The following DHRSX variants were observed in gnomAD, a reference collection of about 807,000 sequenced individuals.
DHRSX encodes polyprenol dehydrogenase.
Under a neutral mutation model 34.0 loss-of-function variants are expected in DHRSX, and 31 were observed. The ratio of observed to expected loss-of-function variants is 0.91; its 90% CI spans 0.69 to 1.23. The LOEUF (loss-of-function observed/expected upper bound fraction) is 1.23, where lower values mean the gene tolerates loss of function less well. Ranked by LOEUF, DHRSX falls within the 50% of genes most tolerant of loss-of-function variation. The pLI is 0.00. For synonymous variants in DHRSX, 201 were observed against 183.8 expected (o/e 1.09, Z -0.76); for missense variants, 414 against 428.1 (o/e 0.97, Z 0.29).
rs1202342518 is a variant in DHRSX at position 2,459,550 on chromosome X, G to GTGTA, written c.110-34247_110-34246insTACA. ...AGAGAGAGAGAATGTGTGTCTGTGTGTATATATATATATATATATATATAT... is the reference window on the plus strand; with the variant it reads ...AGAGAGAGAGAATGTGTGTCTGTGTGTGTATATATATATATATATATATATATAT... On this transcript the variant is annotated intron_variant, in intron 1 of 6. Coordinates refer to ENST00000334651, the MANE Select transcript of DHRSX (RefSeq NM_145177.3). 2.7e-4 allele frequency among the ~76,000 whole-genome samples: 37 copies of GTGTA among 137,802 alleles called. No individual in the cohort carries two copies. The East Asian group carries it at 4.5e-3, about 17-fold the overall frequency. 90.4% of individuals were successfully genotyped at this position (137,802 alleles called of 152,430 possible).
At chrX:2,269,185 A>G (rs901388892) in intron 4 of DHRSX, among the ~76,000 whole-genome samples, 2 of 152,206 alleles carry the variant, frequency 1.3e-5, no homozygotes, top group Non-Finnish European at 2.9e-5. Flanking sequence ...ACATATTTGT[A>G]TATGTATATC....
chrX:2,311,232 AAG>A (rs762305531), intron 3 of DHRSX, among the ~76,000 whole-genome samples: 4 of 151,820 alleles, frequency 2.6e-5, no homozygotes, highest in Admixed American at 1.3e-4. Flanking sequence ...GAGGGAGAGA[AAG>A]AGAGAGAGAC....
intron 3 of DHRSX, among the ~76,000 whole-genome samples, chrX:2,341,101 G>A (rs2042635090): frequency 6.6e-6 from 1 of 152,142 alleles, no homozygotes; most frequent in South Asian, 2.1e-4. Context: ...TAGGGTGCAC[G>A]GGTTTACTGG....
intron 1 of DHRSX, among the ~76,000 whole-genome samples, chrX:2,453,346 C>A (rs2044250884): frequency 6.7e-6 from 1 of 149,330 alleles, no homozygotes. Flanking sequence ...TAAGCCTGGG[C>A]AACAGAATGA....
intron 5 of DHRSX, among the ~76,000 whole-genome samples, chrX:2,257,530 G>A (rs1331945067): frequency 7.9e-5 from 12 of 152,186 alleles, no homozygotes; most frequent in Admixed American, 5.2e-4. Flanking sequence ...GGACCTGGGC[G>A]TATCTCATGG....
chrX:2,448,358 A>C (rs941994040), intron 1 of DHRSX, among the ~76,000 whole-genome samples: 4 of 151,708 alleles, frequency 2.6e-5, no homozygotes, highest in Non-Finnish European at 4.4e-5. Context: ...ATTAAAATTA[A>C]ATTTTTTCAG....
At chrX:2,331,055 T>G (rs2042466377) in intron 3 of DHRSX, among the ~76,000 whole-genome samples, 1 of 152,116 alleles carries the variant, frequency 6.6e-6, no homozygotes, top group Admixed American at 6.6e-5. Flanking sequence ...GAGCCCAGAC[T>G]CCCACACTTG....
chrX:2,406,553 G>A (rs1158313485), intron 3 of DHRSX, among the ~76,000 whole-genome samples: 1 of 151,386 alleles, frequency 6.6e-6, no homozygotes, highest in Non-Finnish European at 1.5e-5. Context: ...CAATTCTCCT[G>A]CCTCAGCCTC....
chrX:2,470,918 A>C (rs1337632645), intron 1 of DHRSX, among the ~76,000 whole-genome samples: 3 of 67,968 alleles, frequency 4.4e-5, no homozygotes, highest in Admixed American at 3.9e-4. Flanking sequence ...AATTAGCTTG[A>C]TTGTTAATAT....
chrX:2,468,273 G>C (rs1469400533), intron 1 of DHRSX, among the ~76,000 whole-genome samples: 1 of 152,124 alleles, frequency 6.6e-6, no homozygotes, highest in Non-Finnish European at 1.5e-5. Context: ...AAGGGTGTAG[G>C]GGAAGAAGGA....
chrX:2,392,613 ATATAT>A (rs1388006839), intron 3 of DHRSX: 12 of 158,028 alleles, frequency 7.6e-5, no homozygotes, highest in Non-Finnish European at 1.4e-4. Flanking sequence ...TATGCTTATT[ATATAT>A]TATATTTATT....
In DHRSX at chrX:2,420,556, A is replaced by G. The variant is rs760476298; in HGVS notation, c.217+4641T>C. On this transcript the variant is annotated intron_variant, in intron 2 of 6. Coordinates refer to ENST00000334651, the MANE Select transcript of DHRSX (RefSeq NM_145177.3). ...TCAAGAGATCGAGACCATCTTGGCC[A>G]ACATGGTGAAACCCCGTCTCTACTA... Among the ~76,000 whole-genome samples, 34 of 152,028 alleles carry G rather than the reference A, an allele frequency of 2.2e-4. 1 individual carries two copies. The South Asian group carries it at 7.1e-3, about 32-fold the overall frequency.
chrX:2,360,451 T>G (rs746409069), intron 3 of DHRSX, among the ~76,000 whole-genome samples: 1 of 151,870 alleles, frequency 6.6e-6, no homozygotes, highest in East Asian at 1.9e-4. Context: ...GGTGTGGTGG[T>G]GCGTGCCTGT....
rs1051791336 is a variant in DHRSX at position 2,403,660 on chromosome X, G to T, written c.286+5085C>A. Reference sequence around the variant, plus strand: ...ATCTGAGGTCAAGAGTTTGAGACAAGCCTGGCTAACACGGTGAAACCCCAT... The same window carrying T: ...ATCTGAGGTCAAGAGTTTGAGACAATCCTGGCTAACACGGTGAAACCCCAT... On this transcript the variant is annotated intron_variant, in intron 3 of 6. Coordinates refer to ENST00000334651, the MANE Select transcript of DHRSX (RefSeq NM_145177.3). Among the ~76,000 whole-genome samples, 29 of 152,134 alleles carry T rather than the reference G, an allele frequency of 1.9e-4. 1 individual carries two copies. The highest frequency in any genetic ancestry group is 1.5e-3 in the Admixed American group (23 of 15,252).
intron 1 of DHRSX, among the ~76,000 whole-genome samples, chrX:2,480,709 C>A (rs1358581923): frequency 6.6e-6 from 1 of 151,946 alleles, no homozygotes; most frequent in African/African-American, 2.4e-5. Context: ...GTCCCAGCTA[C>A]CTGGGAGGCT....
chrX:2,288,470 C>T (rs1332984055), intron 4 of DHRSX, among the ~76,000 whole-genome samples: 2 of 152,144 alleles, frequency 1.3e-5, no homozygotes, highest in East Asian at 1.9e-4. Context: ...CCTGACCTCA[C>T]GTAATCCACC....
chrX:2,451,544 G>A (rs2044217743), intron 1 of DHRSX, among the ~76,000 whole-genome samples: 2 of 152,172 alleles, frequency 1.3e-5, no homozygotes, highest in Admixed American at 1.3e-4. Context: ...AGCGTGTAGG[G>A]GAAGAAGAAT....
At chrX:2,394,833 T>G (rs1212588492) in intron 3 of DHRSX, among the ~76,000 whole-genome samples, 2 of 149,850 alleles carry the variant, frequency 1.3e-5, no homozygotes, top group Non-Finnish European at 3.0e-5. Context: ...GCCACTGCAC[T>G]CCAGCCTGGG....
chrX:2,224,898 C>T (rs1603473293), intron 6 of DHRSX, among the ~76,000 whole-genome samples: 1 of 124,686 alleles, frequency 8.0e-6, no homozygotes, highest in Non-Finnish European at 1.6e-5. Context: ...TGCTCACACT[C>T]GCACACACAC....
Sources: gnomAD v4.1 joint callset for allele counts (sites outside exome capture counted in the v4.1 genomes callset) on GRCh38, gnomAD v4.1.1 for gene constraint, MANE v1.5 for transcripts, NCBI Gene and HGNC (gene_info 2026-07-23, HGNC 2026-07-21) for gene names.